The following KCNQ5 variants were observed in gnomAD, a reference collection of about 807,000 sequenced individuals.
KCNQ5 encodes potassium voltage-gated channel subfamily KQT member 5.
KCNQ5 carries 30 observed loss-of-function variants against 98.2 expected under a neutral mutation model. That is an observed-to-expected ratio of 0.31 (90% CI 0.23 to 0.41). The LOEUF is 0.41. Ranked by LOEUF, KCNQ5 falls within the 10% of genes least tolerant of loss-of-function variation. The pLI is 1.00. For synonymous variants in KCNQ5, 458 were observed against 449.4 expected, an observed-to-expected ratio of 1.02 and a Z score of -0.24; for missense variants, 835 against 1,182.5, an observed-to-expected ratio of 0.71 and a Z score of 4.31.
intron 10 of KCNQ5, among the ~76,000 whole-genome samples, chr6:73,160,102 C>T (rs1449248359): frequency 1.3e-5 from 2 of 152,112 alleles, no homozygotes; most frequent in Non-Finnish European, 2.9e-5. Flanking sequence ...CAAGCTCCGC[C>T]TCCCGGGTTC....
intron 1 of KCNQ5, among the ~76,000 whole-genome samples, chr6:72,628,431 G>A (rs1411419651): frequency 6.6e-6 from 1 of 152,196 alleles, no homozygotes; most frequent in Non-Finnish European, 1.5e-5. Flanking sequence ...ATACTGTAGA[G>A]AGTCTAAAAT....
chr6:73,098,262 G>A (rs6904597), intron 5 of KCNQ5, among the ~76,000 whole-genome samples: 33,665 of 151,852 alleles, frequency 0.22, 8,532 homozygotes, highest in African/African-American at 0.61. Context: ...AAAAAAGAAG[G>A]AAATGCCCAA....
chr6:72,919,112 T>C (rs1271378550), intron 1 of KCNQ5, among the ~76,000 whole-genome samples: 1 of 152,200 alleles, frequency 6.6e-6, no homozygotes, highest in East Asian at 1.9e-4. Flanking sequence ...TCTAGATGGC[T>C]TTTTCCCAAA....
At chr6:73,126,632 A>G (rs2150447618) in intron 9 of KCNQ5, among the ~76,000 whole-genome samples, 1 of 152,316 alleles carries the variant, frequency 6.6e-6, no homozygotes, top group African/African-American at 2.4e-5. Context: ...AAATATGTAC[A>G]AAACCACTGA....
chr6:72,894,184 A>G (rs572343512), intron 1 of KCNQ5, among the ~76,000 whole-genome samples: 1 of 152,274 alleles, frequency 6.6e-6, no homozygotes, highest in African/African-American at 2.4e-5. Flanking sequence ...AATGAGTCAA[A>G]GCAATTATTC....
chr6:72,669,350 C>T (rs887157064), intron 1 of KCNQ5, among the ~76,000 whole-genome samples: 1 of 152,184 alleles, frequency 6.6e-6, no homozygotes, highest in Non-Finnish European at 1.5e-5. Context: ...TCAAACTTAG[C>T]AAGGCAAATT....
At chr6:73,131,176 T>G (rs1776218641) in intron 9 of KCNQ5, among the ~76,000 whole-genome samples, 2 of 152,168 alleles carry the variant, frequency 1.3e-5, no homozygotes, top group Admixed American at 1.3e-4. Flanking sequence ...TTTAAAATAC[T>G]TTTATTATAA....
intron 3 of KCNQ5, among the ~76,000 whole-genome samples, chr6:73,049,273 C>T (rs1289551036): frequency 3.3e-5 from 5 of 152,094 alleles, no homozygotes; most frequent in Non-Finnish European, 7.4e-5. Flanking sequence ...GATTTTAAAG[C>T]TTCATTTCTA....
At chr6:73,054,696 A>G (rs886882922) in intron 3 of KCNQ5, among the ~76,000 whole-genome samples, 1 of 152,220 alleles carries the variant, frequency 6.6e-6, no homozygotes, top group South Asian at 2.1e-4. Context: ...ACATACTTCA[A>G]AATAATAAGA....
intron 1 of KCNQ5, among the ~76,000 whole-genome samples, chr6:72,979,854 A>C (rs1055068017): frequency 6.6e-6 from 1 of 152,186 alleles, no homozygotes; most frequent in African/African-American, 2.4e-5. Context: ...ATTTTTGTAT[A>C]AGGTGTAAGG....
chr6:72,997,619 C>CA lies in KCNQ5; in HGVS notation c.399-6275dup, dbSNP rs35188576. On this transcript the variant is annotated intron_variant, in intron 1 of 13. Coordinates refer to ENST00000370398, the MANE Select transcript of KCNQ5 (RefSeq NM_019842.4). ...TGAAACCCCATCTCTACTAAAAATA[C>CA]AAAAAAAAAAAAAATTAGCCAAGCA... Among the ~76,000 whole-genome samples, 1,246 of 126,292 alleles carry CA rather than the reference C, an allele frequency of 9.9e-3. 18 individuals carry two copies. Among genetic ancestry groups the CA allele is most frequent in the African/African-American group, 0.031 (1,073 of 34,334 alleles). The allele number at this position is 126,292 out of a possible 152,430, so 82.9% of individuals were successfully genotyped here.
In KCNQ5 at chr6:73,195,016, G is replaced by A; in HGVS notation, c.2401G>A (p.Asp801Asn). ...VQVAQSNLTK[D>N]RSMRKSFDMG... ...GGTTGCACAGTCAAATCTCACCAAG[G>A]ACCGTTCTATGAGGAAAAGCTTTGA... is the stretch of plus-strand genomic sequence containing the variant. Residue 801 changes from aspartate to asparagine, a missense_variant, in exon 14 of 14, where the codon GAC (aspartate) becomes AAC (asparagine). Coordinates refer to ENST00000370398, the MANE Select transcript of KCNQ5 (RefSeq NM_019842.4). 6.2e-7 allele frequency: 1 copy of A among 1,614,138 alleles called. No homozygotes were observed. Among genetic ancestry groups the A allele is most frequent in the East Asian group, 2.2e-5 (1 of 44,884 alleles).
chr6:73,074,656 A>G (rs1373589302), intron 3 of KCNQ5, among the ~76,000 whole-genome samples: 2 of 151,944 alleles, frequency 1.3e-5, no homozygotes, highest in East Asian at 1.9e-4. Flanking sequence ...TGAATACAAT[A>G]TATGCTTTTT....
intron 1 of KCNQ5, among the ~76,000 whole-genome samples, chr6:72,658,576 A>ATG (rs1158254933): frequency 1.1e-5 from 1 of 92,410 alleles, no homozygotes; most frequent in Non-Finnish European, 2.2e-5. Context: ...ATATATATAT[A>ATG]TATTTTTTTT....
chr6:72,763,030 A>T (rs1022919526), intron 1 of KCNQ5, among the ~76,000 whole-genome samples: 2 of 152,214 alleles, frequency 1.3e-5, no homozygotes, highest in Middle Eastern at 3.4e-3. Flanking sequence ...GGATGTTTTC[A>T]TAAATAAAAA....
rs538606696 is a variant in KCNQ5, at chr6:72,890,024, A to G, written c.399-113884A>G. Among the ~76,000 whole-genome samples the G allele has an allele frequency of 5.9e-5, 9 of 152,264 alleles. No homozygotes were observed. In the South Asian group the frequency reaches 1.9e-3, roughly 32 times the overall value. On this transcript the variant is annotated intron_variant, in intron 1 of 13. Transcript: ENST00000370398. ...TGCCCAGCCTCCCAAGAAGATGTCT[A>G]TTTACCCTCAGCGAGCAGTCACAGT...
At chr6:72,852,640 A>AATATAGATATATATATATAC (rs1777315128) in intron 1 of KCNQ5, among the ~76,000 whole-genome samples, 2 of 56,802 alleles carry the variant, frequency 3.5e-5, no homozygotes, top group Non-Finnish European at 6.6e-5. Flanking sequence ...ATGAAGGGGA[A>AATATAGATATATATATATAC]ATATATATAT....
At chr6:73,015,267 T>G (rs1013118487) in intron 2 of KCNQ5, among the ~76,000 whole-genome samples, 1 of 151,984 alleles carries the variant, frequency 6.6e-6, no homozygotes, top group African/African-American at 2.4e-5. Flanking sequence ...TTTTCTTTCA[T>G]CAAGGAAAAA....
intron 1 of KCNQ5, among the ~76,000 whole-genome samples, chr6:72,736,172 T>C (rs1166559571): frequency 6.6e-6 from 1 of 152,074 alleles, no homozygotes; most frequent in Non-Finnish European, 1.5e-5. Context: ...TGTCAGAACA[T>C]ATCAAAAGCT....
Sources: allele counts gnomAD v4.1 joint callset (sites outside exome capture counted in the v4.1 genomes callset), GRCh38; gene constraint gnomAD v4.1.1; transcripts MANE v1.5; gene names NCBI Gene and HGNC (gene_info 2026-07-23, HGNC 2026-07-21).